Variants in SGCD observed in about 807,000 individuals in gnomAD.
SGCD encodes delta-sarcoglycan.
A neutral mutation model predicts 36.6 loss-of-function variants in SGCD; 18 were observed. The ratio of observed to expected loss-of-function variants is 0.49; its 90% CI spans 0.34 to 0.73. The LOEUF (loss-of-function observed/expected upper bound fraction) is 0.73, where lower values mean the gene tolerates loss of function less well. Among genes scored for constraint, SGCD ranks in the 30% least tolerant of loss-of-function variants. The pLI is 0.01. For synonymous variants in SGCD, 133 were observed against 130.6 expected, an observed-to-expected ratio of 1.02 and a Z score of -0.12; for missense variants, 387 against 346.7, an observed-to-expected ratio of 1.12 and a Z score of -0.92.
chr5:155,829,671 T>C, the SGCD span, among the ~76,000 whole-genome samples: 1 of 152,196 alleles, frequency 6.6e-6, no homozygotes, highest in East Asian at 1.9e-4. Context: ...TTGCAGGAAA[T>C]AGAATAGAAT....
intron 1 of SGCD, among the ~76,000 whole-genome samples, chr5:156,078,591 A>G (rs529027840): frequency 7.2e-6 from 1 of 138,544 alleles, no homozygotes; most frequent in African/African-American, 2.7e-5. Flanking sequence ...ATATATATTT[A>G]TATTTATATA....
chr5:156,038,117 A>G (rs1004925814), intron 1 of SGCD, among the ~76,000 whole-genome samples: 1 of 152,200 alleles, frequency 6.6e-6, no homozygotes, highest in African/African-American at 2.4e-5. Context: ...TACCTTTCTT[A>G]TAACACCCAG....
intron 7 of SGCD, among the ~76,000 whole-genome samples, chr5:156,728,511 A>G (rs1466793514): frequency 1.1e-3 from 160 of 143,028 alleles, no homozygotes; most frequent in African/African-American, 4.4e-3. Context: ...ACTCTGTCAA[A>G]AAAAAAAAAA....
intron 3 of SGCD, among the ~76,000 whole-genome samples, chr5:156,249,419 C>G (rs895806163): frequency 6.6e-6 from 1 of 152,038 alleles, no homozygotes; most frequent in Non-Finnish European, 1.5e-5. Flanking sequence ...AACAGTAATT[C>G]ACAGTTTTGA....
At chr5:156,646,928 A>G (rs1477020678) in intron 6 of SGCD, among the ~76,000 whole-genome samples, 1 of 152,182 alleles carries the variant, frequency 6.6e-6, no homozygotes. Context: ...ACTTCAAATG[A>G]TCTCTTATAG....
chr5:155,764,047 C>T, the SGCD span, among the ~76,000 whole-genome samples: 1 of 152,118 alleles, frequency 6.6e-6, no homozygotes, highest in Non-Finnish European at 1.5e-5. Context: ...TAATTATCCC[C>T]TTCTTTGTTC....
intron 3 of SGCD, among the ~76,000 whole-genome samples, chr5:156,141,439 G>A (rs777020857): frequency 1.3e-4 from 20 of 152,244 alleles, no homozygotes; most frequent in Non-Finnish European, 2.6e-4. Context: ...TATGTGGGCT[G>A]CTCACAGCAA....
intron 1 of SGCD, among the ~76,000 whole-genome samples, chr5:156,002,711 C>A (rs1435740907): frequency 6.6e-6 from 1 of 152,228 alleles, no homozygotes; most frequent in Non-Finnish European, 1.5e-5. Context: ...AAAAAGCAGA[C>A]TCCTGTTCCC....
intron 4 of SGCD, among the ~76,000 whole-genome samples, chr5:156,509,901 T>C (rs562591767): frequency 6.6e-6 from 1 of 152,306 alleles, no homozygotes; most frequent in South Asian, 2.1e-4. Context: ...GGATTATTAA[T>C]GCATTTGCTC....
chr5:156,549,189 C>T (rs1461567374), intron 4 of SGCD, among the ~76,000 whole-genome samples: 1 of 150,984 alleles, frequency 6.6e-6, no homozygotes, highest in Admixed American at 6.6e-5. Context: ...ATTACCTTGC[C>T]CAAGGTATGA....
intron 3 of SGCD, among the ~76,000 whole-genome samples, chr5:156,416,798 T>G (rs1037713220): frequency 1.8e-4 from 27 of 152,226 alleles, no homozygotes; most frequent in Admixed American, 1.8e-3. Context: ...CCAAAAGTTT[T>G]AGGCAAATTT....
At chr5:156,118,518 A>G (rs903639322) in intron 2 of SGCD, among the ~76,000 whole-genome samples, 2 of 152,162 alleles carry the variant, frequency 1.3e-5, no homozygotes, top group African/African-American at 4.8e-5. Context: ...TTCAATTCTA[A>G]AAGCACATCT....
chr5:156,673,468 G>A (rs1753385957), intron 7 of SGCD, among the ~76,000 whole-genome samples: 1 of 152,170 alleles, frequency 6.6e-6, no homozygotes. Flanking sequence ...GGAAGGCCAA[G>A]TCCTCTTTTA....
chr5:156,175,846 C>G (rs1763453205), intron 3 of SGCD, among the ~76,000 whole-genome samples: 1 of 139,896 alleles, frequency 7.1e-6, no homozygotes, highest in East Asian at 2.5e-4. Flanking sequence ...TTTAAGAATA[C>G]AAAATTACGG....
At chr5:155,751,581 G>A in the SGCD span, among the ~76,000 whole-genome samples, 1 of 151,914 alleles carries the variant, frequency 6.6e-6, no homozygotes, top group Non-Finnish European at 1.5e-5. Context: ...TAGAGATGGG[G>A]CTTTGCCATG....
chr5:155,788,542 A>G, the SGCD span, among the ~76,000 whole-genome samples: 1 of 152,174 alleles, frequency 6.6e-6, no homozygotes, highest in African/African-American at 2.4e-5. Flanking sequence ...TCTTTATTCT[A>G]TGTGTATGCT....
chr5:155,763,480 C>T, the SGCD span, among the ~76,000 whole-genome samples: 1 of 152,116 alleles, frequency 6.6e-6, no homozygotes, highest in Non-Finnish European at 1.5e-5. Context: ...GAGTTAAATG[C>T]TCCCAACAAG....
At chr5:156,292,876 T>C (rs1232051752) in intron 3 of SGCD, among the ~76,000 whole-genome samples, 1 of 152,148 alleles carries the variant, frequency 6.6e-6, no homozygotes, top group Non-Finnish European at 1.5e-5. Context: ...TTTCATATGC[T>C]TATTGGCCAT....
the SGCD span, among the ~76,000 whole-genome samples, chr5:155,770,597 G>A: frequency 6.6e-6 from 1 of 152,152 alleles, no homozygotes; most frequent in Non-Finnish European, 1.5e-5. Flanking sequence ...TCTGAGGGCA[G>A]TGGCGTGCTG....
Sources: gnomAD v4.1 joint callset for allele counts (sites outside exome capture counted in the v4.1 genomes callset) on GRCh38, gnomAD v4.1.1 for gene constraint, MANE v1.5 for transcripts, NCBI Gene and HGNC (gene_info 2026-07-23, HGNC 2026-07-21) for gene names.